Variants in APOE observed in about 807,000 individuals in gnomAD.
APOE encodes apolipoprotein E3.
Under a neutral mutation model 13.1 loss-of-function variants are expected in APOE, and 10 were observed. The ratio of observed to expected loss-of-function variants is 0.76; its 90% CI spans 0.47 to 1.29. The LOEUF is 1.29. Among genes scored for constraint, APOE ranks in the 50% most tolerant of loss-of-function variants. The pLI is 0.00. For synonymous variants in APOE, 211 were observed against 207.1 expected, an observed-to-expected ratio of 1.02 and a Z score of -0.16; for missense variants, 471 against 459.6, an observed-to-expected ratio of 1.02 and a Z score of -0.23.
In APOE at chr19:44,907,814, G is replaced by A. The variant is rs1212454788; in HGVS notation, c.98G>A (p.Arg33His). 14 of 1,613,770 alleles carry A rather than the reference G, an allele frequency of 8.7e-6. No individual in the cohort carries two copies. Among genetic ancestry groups the A allele is most frequent in the Admixed American group, 1.7e-5 (1 of 59,990 alleles). Residue 33 changes from arginine to histidine, a missense_variant, in exon 3 of 4, where the codon CGC (arginine) becomes CAC (histidine). Transcript: ENST00000252486. This position sits in a 1 kb window ranked among gnomAD's most constrained non-coding sequence, Gnocchi z 4.1. ...AVETEPEPEL[R>H]QQTEWQSGQR... is the part of the protein sequence containing the mutation. Reference sequence around the variant, plus strand: ...GAGACAGAGCCGGAGCCCGAGCTGCGCCAGCAGACCGAGTGGCAGAGCGGC... The same window carrying A: ...GAGACAGAGCCGGAGCCCGAGCTGCACCAGCAGACCGAGTGGCAGAGCGGC...
Position 44,908,755 on chromosome 19 carries a change from G to A in APOE, c.459G>A (p.Val153=), listed in dbSNP as rs1315505414. 2 of 1,560,126 alleles carry A rather than the reference G, an allele frequency of 1.3e-6. No individual in the cohort carries two copies. The highest frequency in any genetic ancestry group is 1.9e-5 in the Admixed American group (1 of 52,074). ...MLGQSTEELR[V]RLASHLRKLR... is the part of the protein sequence containing the mutation. The stretch of plus-strand genomic sequence containing the variant: ...GCCAGAGCACCGAGGAGCTGCGGGT[G>A]CGCCTCGCCTCCCACCTGCGCAAGC... The change falls in exon 4 of 4, where the codon GTG becomes GTA. Residue 153 remains valine, a synonymous_variant. Coordinates refer to ENST00000252486, the MANE Select transcript of APOE (RefSeq NM_000041.4).
rs1367811482 is a variant in APOE, at chr19:44,909,191, G to C, written c.895G>C (p.Glu299Gln). The C allele has an allele frequency of 2.9e-5, 46 of 1,598,976 alleles. No homozygotes were observed. Among genetic ancestry groups the C allele is most frequent in the Non-Finnish European group, 3.7e-5 (44 of 1,178,982 alleles). The change falls in exon 4 of 4, where the codon GAG (glutamate) becomes CAG (glutamine). Residue 299 changes from glutamate (E) to glutamine (Q), a missense_variant. Physicochemically the swap from Glu to Gln is conservative, Grantham distance 29. Coordinates refer to ENST00000252486, the MANE Select transcript of APOE (RefSeq NM_000041.4). ...GCAGCGCCAGTGGGCCGGGCTGGTG[G>C]AGAAGGTGCAGGCTGCCGTGGGCAC... is the stretch of plus-strand genomic sequence containing the variant. ...DMQRQWAGLV[E>Q]KVQAAVGTSA...
chr19:44,908,903 G>T lies in APOE; in HGVS notation c.607G>T (p.Val203Leu). 6.8e-7 allele frequency: 1 copy of T among 1,473,324 alleles called. No homozygotes were observed. 91.3% of individuals were successfully genotyped at this position (1,473,324 alleles called of 1,614,324 possible). ...CATCCGCGAGCGCCTGGGGCCCCTG[G>T]TGGAACAGGGCCGCGTGCGGGCCGC... is the stretch of plus-strand genomic sequence containing the variant. Reference protein sequence around the residue: ...SAIRERLGPLVEQGRVRAATV... With the variant: ...SAIRERLGPLLEQGRVRAATV... The change falls in exon 4 of 4, where the codon GTG becomes TTG. Residue 203 changes from valine to leucine, a missense_variant. Coordinates refer to ENST00000252486, the MANE Select transcript of APOE (RefSeq NM_000041.4).
intron 2 of APOE, 41 bp downstream of exon 2, chr19:44,906,708 CCT>C (rs771390880): frequency 6.9e-6 from 11 of 1,600,342 alleles, no homozygotes; most frequent in Admixed American, 1.7e-5. Flanking sequence ...CGCTCCTCCC[CCT>C]CTCATCCTCA....
chr19:44,909,057 T>C lies in APOE; in HGVS notation c.761T>C (p.Val254Ala). Residue 254 changes from valine to alanine, a missense_variant, in exon 4 of 4, where the codon GTG (valine) becomes GCG (alanine). Coordinates refer to ENST00000252486, the MANE Select transcript of APOE (RefSeq NM_000041.4). Reference sequence around the variant, plus strand: ...CGCCTGGACGAGGTGAAGGAGCAGGTGGCGGAGGTGCGCGCCAAGCTGGAG... The same window carrying C: ...CGCCTGGACGAGGTGAAGGAGCAGGCGGCGGAGGTGCGCGCCAAGCTGGAG... ...RDRLDEVKEQ[V>A]AEVRAKLEEQ... 6.4e-7 allele frequency: 1 copy of C among 1,562,358 alleles called. No individual in the cohort carries two copies.
chr19:44,905,890 A>G, intron 1 of APOE, 49 bp downstream of exon 1: 1 of 1,295,840 alleles, frequency 7.7e-7, no homozygotes, highest in Admixed American at 2.4e-5. Flanking sequence ...GGCCTCTAGA[A>G]AGAGCTGGGA....
intron 3 of APOE, among the ~76,000 whole-genome samples, 173 bp from the exon 4 acceptor site, chr19:44,908,360 C>T (rs1969849088): frequency 6.6e-6 from 1 of 152,176 alleles, no homozygotes; most frequent in African/African-American, 2.4e-5. Flanking sequence ...TCGTCTCTGC[C>T]TCTGCCCTCT....
Position 44,908,660 on chromosome 19 carries a change from C to A in APOE, c.364C>A (p.Leu122Met), listed in dbSNP as rs587778876. Reference sequence around the variant, plus strand: ...GGAGCTGCAGGCGGCGCAGGCCCGGCTGGGCGCGGACATGGAGGACGTGTG... The same window carrying A: ...GGAGCTGCAGGCGGCGCAGGCCCGGATGGGCGCGGACATGGAGGACGTGTG... ...SKELQAAQAR[L>M]GADMEDVCGR... The change falls in exon 4 of 4, where the codon CTG becomes ATG. Residue 122 changes from leucine (L) to methionine (M), a missense_variant. By Grantham distance (15) the Leu-to-Met change is conservative. Coordinates refer to ENST00000252486, the MANE Select transcript of APOE (RefSeq NM_000041.4). 1.3e-6 allele frequency: 2 copies of A among 1,585,734 alleles called. No individual in the cohort carries two copies. Among genetic ancestry groups the A allele is most frequent in the East Asian group, 2.3e-5 (1 of 43,024 alleles).
At chr19:44,906,179 G>A (rs974209573) in intron 1 of APOE, among the ~76,000 whole-genome samples, 2 of 152,136 alleles carry the variant, frequency 1.3e-5, no homozygotes, top group African/African-American at 2.4e-5. Flanking sequence ...CAGGGGCAGC[G>A]ACACGGTAGC....
chr19:44,908,040 T>C, intron 3 of APOE, 88 bp downstream of exon 3: 2 of 1,315,046 alleles, frequency 1.5e-6, no homozygotes, highest in Non-Finnish European at 2.1e-6. Context: ...TGTCGCTAAG[T>C]CTTGGGGGGC....
In APOE at chr19:44,908,721, C is replaced by T; in HGVS notation, c.425C>T (p.Ala142Val). 6.4e-7 allele frequency: 1 copy of T among 1,559,098 alleles called. No homozygotes were observed. The highest frequency in any genetic ancestry group is 1.2e-5 in the South Asian group (1 of 85,058). Residue 142 changes from alanine (A) to valine (V), a missense_variant, in exon 4 of 4, where the codon GCC (alanine) becomes GTC (valine). Coordinates refer to ENST00000252486, the MANE Select transcript of APOE (RefSeq NM_000041.4). ...RLVQYRGEVQ[A>V]MLGQSTEELR... ...GTGCAGTACCGCGGCGAGGTGCAGGCCATGCTCGGCCAGAGCACCGAGGAG... is the reference window on the plus strand; with the variant it reads ...GTGCAGTACCGCGGCGAGGTGCAGGTCATGCTCGGCCAGAGCACCGAGGAG...
At chr19:44,906,498 C>A in intron 1 of APOE, 104 bp from the exon 2 acceptor site, 3 of 1,214,398 alleles carry the variant, frequency 2.5e-6, no homozygotes, top group African/African-American at 1.5e-5. Context: ...GCAGATAATG[C>A]AACAAGGCTT....
chr19:44,906,340 G>T, intron 1 of APOE: 1 of 557,644 alleles, frequency 1.8e-6, no homozygotes, highest in Non-Finnish European at 3.2e-6. Context: ...GGGAGGGGGT[G>T]GGGGGATGGA....
chr19:44,908,909 C>CA lies in APOE; in HGVS notation c.614dup (p.Arg207ProfsTer152). 6.8e-7 allele frequency: 1 copy of CA among 1,470,304 alleles called. No individual in the cohort carries two copies. Among genetic ancestry groups the CA allele is most frequent in the Non-Finnish European group, 8.9e-7 (1 of 1,119,676 alleles). The allele number at this position is 1,470,304 out of a possible 1,614,324, so 91.1% of individuals were successfully genotyped here. A position where few individuals can be genotyped will look rare whatever the true frequency, so the allele number is the denominator to read the frequency against. The stretch of plus-strand genomic sequence containing the variant: ...CGAGCGCCTGGGGCCCCTGGTGGAA[C>CA]AGGGCCGCGTGCGGGCCGCCACTGT... On this transcript the variant is annotated frameshift_variant, in exon 4 of 4. Coordinates refer to ENST00000252486, the MANE Select transcript of APOE (RefSeq NM_000041.4). LOFTEE classifies it low-confidence loss of function (END_TRUNC).
chr19:44,909,183 G>C lies in APOE; in HGVS notation c.887G>C (p.Gly296Ala). Residue 296 changes from glycine to alanine, a missense_variant, in exon 4 of 4, where the codon GGG becomes GCG. Gly to Ala is a moderately conservative substitution (Grantham distance 60, BLOSUM62 0). Transcript: ENST00000252486. ...GAAGACATGCAGCGCCAGTGGGCCG[G>C]GCTGGTGGAGAAGGTGCAGGCTGCC... ...LVEDMQRQWAGLVEKVQAAVG... is the reference protein window; with the variant it reads ...LVEDMQRQWAALVEKVQAAVG... 2 of 1,599,436 alleles carry C rather than the reference G, an allele frequency of 1.3e-6. No individual in the cohort carries two copies. Among genetic ancestry groups the C allele is most frequent in the Non-Finnish European group, 1.7e-6 (2 of 1,178,930 alleles).
chr19:44,907,671 T>A lies in APOE; in HGVS notation c.44-89T>A. The stretch of plus-strand genomic sequence containing the variant: ...GCCCACCATGGCTCCAAAGAAGCAT[T>A]TGTGGAGCACCTTCTGTGTGCCCCT... On this transcript the variant is annotated intron_variant, in intron 2 of 3. Coordinates refer to ENST00000252486, the MANE Select transcript of APOE (RefSeq NM_000041.4). The surrounding 1 kb of genome is among the most constrained non-coding windows in gnomAD (Gnocchi z 4.1). 2.5e-6 allele frequency: 3 copies of A among 1,215,976 alleles called. No homozygotes were observed. Among genetic ancestry groups the A allele is most frequent in the Non-Finnish European group, 3.5e-6 (3 of 853,966 alleles). The allele number at this position is 1,215,976 out of a possible 1,614,324, so 75.3% of individuals were successfully genotyped here.
chr19:44,905,931 C>T (rs1969799030), intron 1 of APOE, 90 bp downstream of exon 1: 1 of 1,295,796 alleles, frequency 7.7e-7, no homozygotes, highest in Non-Finnish European at 1.0e-6. Context: ...CAGGTAGTCT[C>T]AGGAGAGCTA....
Position 44,908,971 on chromosome 19 carries a change from C to T in APOE, c.675C>T (p.Ala225=). The part of the protein sequence containing the change: ...SLAGQPLQER[A]QAWGERLRAR... ...CCGGCCAGCCGCTACAGGAGCGGGC[C>T]CAGGCCTGGGGCGAGCGGCTGCGCG... The change falls in exon 4 of 4, where the codon GCC becomes GCT. Residue 225 remains alanine, a synonymous_variant. Transcript: ENST00000252486. 1.3e-6 allele frequency: 2 copies of T among 1,530,374 alleles called. No individual in the cohort carries two copies. Among genetic ancestry groups the T allele is most frequent in the Non-Finnish European group, 8.7e-7 (1 of 1,144,308 alleles). 94.8% of individuals were successfully genotyped at this position (1,530,374 alleles called of 1,614,324 possible).
At position 44,908,003 on chromosome 19, in the gene APOE, C is replaced by T. The variant is rs764266965; in HGVS notation, c.236+51C>T. 4 of 1,563,774 alleles carry T rather than the reference C, an allele frequency of 2.6e-6. No individual in the cohort carries two copies. The South Asian group carries it at 3.4e-5, about 13-fold the overall frequency. On this transcript the variant is annotated intron_variant, in intron 3 of 3. Coordinates refer to ENST00000252486, the MANE Select transcript of APOE (RefSeq NM_000041.4). ...ACCCTCCTGGTGGGCGGCTATACCTCCCCAGGTCCAGGTTTCATTCTGCCC... is the reference window on the plus strand; with the variant it reads ...ACCCTCCTGGTGGGCGGCTATACCTTCCCAGGTCCAGGTTTCATTCTGCCC...
Sources: allele counts gnomAD v4.1 joint callset (sites outside exome capture counted in the v4.1 genomes callset), GRCh38; gene constraint gnomAD v4.1.1; non-coding constraint Gnocchi (gnomAD v3.1); transcripts MANE v1.5; gene names NCBI Gene and HGNC (gene_info 2026-07-23, HGNC 2026-07-21).